OR2A14: variants seen among roughly 807,000 people sequenced by gnomAD.
OR2A14 encodes the protein olfactory receptor family 2 subfamily A member 14.
OR2A14 carries 2 observed loss-of-function variants against 2.4 expected under a neutral mutation model. The ratio of observed to expected loss-of-function variants is 0.85; its 90% CI spans 0.35 to 2.67. The LOEUF is 2.67. Among genes scored for constraint, OR2A14 ranks in the 30% most tolerant of loss-of-function variants. The probability of loss-of-function intolerance (pLI) is 0.10; values close to 1 mark genes in which losing one functional copy is unlikely to be tolerated. For synonymous variants in OR2A14, 160 were observed against 156.3 expected, an observed-to-expected ratio of 1.02 and a Z score of -0.18; for missense variants, 390 against 379.4, an observed-to-expected ratio of 1.03 and a Z score of -0.23.
Position 144,130,182 on chromosome 7 carries a change from A to G in OR2A14, c.*137A>G. 1.6e-6 allele frequency: 1 copy of G among 623,096 alleles called. No individual in the cohort carries two copies. The highest frequency in any genetic ancestry group is 2.7e-6 in the Non-Finnish European group (1 of 373,098). 38.6% of individuals were successfully genotyped at this position (623,096 alleles called of 1,614,324 possible). ...ATAGACCTATACATATAAACTGAAGACACAAATCTTTTAGAAAAGATAGGT... is the reference window on the plus strand; with the variant it reads ...ATAGACCTATACATATAAACTGAAGGCACAAATCTTTTAGAAAAGATAGGT... On this transcript the variant is annotated 3_prime_UTR_variant, in exon 2 of 2. Transcript: ENST00000641068.
Position 144,129,616 on chromosome 7 carries a change from C to T in OR2A14, c.504C>T (p.Cys168=), listed in dbSNP as rs759968987. 6.2e-5 allele frequency: 99 copies of T among 1,595,148 alleles called. 2 individuals carry two copies. In the South Asian group the frequency reaches 7.2e-4, roughly 12 times the overall value. Residue 168 remains cysteine, a synonymous_variant, in exon 2 of 2, where the codon TGC becomes TGT. Coordinates refer to ENST00000641068, the MANE Select transcript of OR2A14 (RefSeq NM_001001659.3). ...PLVLILSLPF[C]GPHEINHFFC... is the part of the protein sequence containing the mutation. Reference sequence around the variant, plus strand: ...TTCTCATCCTGAGCCTGCCCTTCTGCGGGCCTCATGAAATCAACCACTTCT... The same window carrying T: ...TTCTCATCCTGAGCCTGCCCTTCTGTGGGCCTCATGAAATCAACCACTTCT...
At position 144,129,852 on chromosome 7, in the gene OR2A14, TG is replaced by T. The variant is rs2051517371; in HGVS notation, c.743del (p.Gly248AspfsTer37). The T allele has an allele frequency of 6.2e-7, 1 of 1,614,094 alleles. No individual in the cohort carries two copies. Among genetic ancestry groups the T allele is most frequent in the Non-Finnish European group, 8.5e-7 (1 of 1,180,040 alleles). On this transcript the variant is annotated frameshift_variant, in exon 2 of 2. Transcript: ENST00000641068. LOFTEE classifies it high-confidence loss of function. ...FSTCSSHLCV[V>X]GLFFGSAIVT... ...ACCTGCTCCTCCCACCTTTGCGTGG[TG>T]GGACTCTTCTTTGGCAGCGCCATTG...
At position 144,129,387 on chromosome 7, in the gene OR2A14, C is replaced by T. The variant is rs1187715234; in HGVS notation, c.275C>T (p.Ser92Phe). 1 of 1,614,086 alleles carries T rather than the reference C, an allele frequency of 6.2e-7. No individual in the cohort carries two copies. Among genetic ancestry groups the T allele is most frequent in the Non-Finnish European group, 8.5e-7 (1 of 1,180,026 alleles). ...CTTATGAACCAGGAAAGCACCATCT[C>T]CTTTTTTCCATGCATAATGCAGACA... Reference protein sequence around the residue: ...TNLMNQESTISFFPCIMQTFL... With the variant: ...TNLMNQESTIFFFPCIMQTFL... Residue 92 changes from serine (S) to phenylalanine (F), a missense_variant, in exon 2 of 2, where the codon TCC (serine) becomes TTC (phenylalanine). By Grantham distance (155) the Ser-to-Phe change is radical. Coordinates refer to ENST00000641068, the MANE Select transcript of OR2A14 (RefSeq NM_001001659.3).
In OR2A14 at chr7:144,125,077, C is replaced by T. The variant is rs190373667; in HGVS notation, c.-35+1813C>T. ...ATTAAATTCCTATAATGTACCAGTGCGATGGTATTTCTTCTTCACATCAGT... is the reference window on the plus strand; with the variant it reads ...ATTAAATTCCTATAATGTACCAGTGTGATGGTATTTCTTCTTCACATCAGT... On this transcript the variant is annotated intron_variant, in intron 1 of 1. Coordinates refer to ENST00000641068, the MANE Select transcript of OR2A14 (RefSeq NM_001001659.3). 3.9e-5 allele frequency among the ~76,000 whole-genome samples: 6 copies of T among 152,236 alleles called. No individual in the cohort carries two copies. In the South Asian group the frequency reaches 6.2e-4, roughly 16 times the overall value.
intron 1 of OR2A14, 120 bp from the exon 2 acceptor site, chr7:144,128,958 TC>T (rs930955949): frequency 8.1e-6 from 5 of 619,236 alleles, no homozygotes; most frequent in Non-Finnish European, 1.4e-5. Context: ...TGCGATTTTT[TC>T]TCATTTTTAT....
At chr7:144,124,109 A>G (rs1025618050) in intron 1 of OR2A14, among the ~76,000 whole-genome samples, 3 of 152,180 alleles carry the variant, frequency 2.0e-5, no homozygotes, top group African/African-American at 7.2e-5. Flanking sequence ...TATGCAGCAA[A>G]GCCAGGATCT....
chr7:144,124,252 C>A (rs1223208847), intron 1 of OR2A14, among the ~76,000 whole-genome samples: 2 of 152,088 alleles, frequency 1.3e-5, no homozygotes, highest in Non-Finnish European at 2.9e-5. Context: ...CACCTGAGGT[C>A]AGGAGTTTGA....
rs756734262 is a variant in OR2A14 at position 144,129,468 on chromosome 7, A to G, written c.356A>G (p.Tyr119Cys). ...VECLILVVMS[Y>C]DRYADICHPL... The stretch of plus-strand genomic sequence containing the variant: ...TGTCTGATTTTGGTGGTGATGTCCT[A>G]TGATCGCTATGCGGACATCTGCCAC... Residue 119 changes from tyrosine (Y) to cysteine (C), a missense_variant, in exon 2 of 2, where the codon TAT becomes TGT. By Grantham distance (194) the Tyr-to-Cys change is radical. Coordinates refer to ENST00000641068, the MANE Select transcript of OR2A14 (RefSeq NM_001001659.3). 3.7e-6 allele frequency: 6 copies of G among 1,613,964 alleles called. No homozygotes were observed. The highest frequency in any genetic ancestry group is 1.1e-5 in the South Asian group (1 of 91,070).
chr7:144,124,678 G>A (rs911235445), intron 1 of OR2A14, among the ~76,000 whole-genome samples: 5 of 151,808 alleles, frequency 3.3e-5, no homozygotes, highest in Admixed American at 6.6e-5. Context: ...CCCTAAATAC[G>A]CCCCCCTTTT....
chr7:144,130,690 G>A lies in OR2A14; in HGVS notation c.*645G>A, dbSNP rs573630336. The stretch of plus-strand genomic sequence containing the variant: ...TCTATTTCTAATATTGGAAATGGTC[G>A]ATACTAGCAGAGTTTGTGCCAATAG... On this transcript the variant is annotated 3_prime_UTR_variant, in exon 2 of 2. Coordinates refer to ENST00000641068, the MANE Select transcript of OR2A14 (RefSeq NM_001001659.3). 1.1e-3 allele frequency: 171 copies of A among 152,300 alleles called. No homozygotes were observed. Among genetic ancestry groups the A allele is most frequent in the African/African-American group, 3.9e-3 (161 of 41,540 alleles). The allele number at this position is 152,300 out of a possible 1,614,324, so 9.4% of individuals were successfully genotyped here.
Position 144,129,292 on chromosome 7 carries a change from C to A in OR2A14, c.180C>A (p.Phe60Leu), listed in dbSNP as rs1442303004. ...LDCKLHTPMY[F>L]FLSHLAIVDI... ...GTAAGCTTCACACACCCATGTACTTCTTCCTCTCACACCTGGCCATTGTTG... is the reference window on the plus strand; with the variant it reads ...GTAAGCTTCACACACCCATGTACTTATTCCTCTCACACCTGGCCATTGTTG... Residue 60 changes from phenylalanine to leucine, a missense_variant, in exon 2 of 2, where the codon TTC becomes TTA. Physicochemically the swap from Phe to Leu is conservative, Grantham distance 22. Transcript: ENST00000641068. The A allele has an allele frequency of 6.2e-7, 1 of 1,614,244 alleles. No individual in the cohort carries two copies. The highest frequency in any genetic ancestry group is 1.1e-5 in the South Asian group (1 of 91,080).
In OR2A14 at chr7:144,129,357, C is replaced by T. The variant is rs761628504; in HGVS notation, c.245C>T (p.Thr82Met). Residue 82 changes from threonine (T) to methionine (M), a missense_variant, in exon 2 of 2, where the codon ACG (threonine) becomes ATG (methionine). By Grantham distance (81) the Thr-to-Met change is moderately conservative. Transcript: ENST00000641068. ...YASNYVPKML[T>M]NLMNQESTIS... ...TCCAACTATGTCCCCAAGATGCTGA[C>T]GAATCTTATGAACCAGGAAAGCACC... is the stretch of plus-strand genomic sequence containing the variant. 4.3e-6 allele frequency: 7 copies of T among 1,614,100 alleles called. No homozygotes were observed. In the South Asian group the frequency reaches 6.6e-5, roughly 15 times the overall value.
intron 1 of OR2A14, among the ~76,000 whole-genome samples, chr7:144,127,725 T>C (rs749226753): frequency 2.6e-5 from 4 of 152,326 alleles, no homozygotes; most frequent in South Asian, 4.1e-4. Flanking sequence ...TTTACTAAAA[T>C]AAAAGACATC....
chr7:144,128,895 C>A (rs1361449377), intron 1 of OR2A14, among the ~76,000 whole-genome samples, 184 bp from the exon 2 acceptor site: 1 of 152,132 alleles, frequency 6.6e-6, no homozygotes, highest in Non-Finnish European at 1.5e-5. Flanking sequence ...CATACACACA[C>A]AAATATATAT....
At chr7:144,125,174 C>T (rs1239899546) in intron 1 of OR2A14, among the ~76,000 whole-genome samples, 1 of 152,228 alleles carries the variant, frequency 6.6e-6, no homozygotes, top group Non-Finnish European at 1.5e-5. Flanking sequence ...TCAAATGCGT[C>T]ATGTTCATTG....
chr7:144,126,178 G>T (rs147566273), intron 1 of OR2A14, among the ~76,000 whole-genome samples: 1 of 152,126 alleles, frequency 6.6e-6, no homozygotes, highest in Non-Finnish European at 1.5e-5. Context: ...TCAAATATGT[G>T]CTCATTGGAA....
rs2051528336 is a variant in OR2A14 at position 144,131,063 on chromosome 7, T to C, written c.*1018T>C. 1 of 152,212 alleles carries C rather than the reference T, an allele frequency of 6.6e-6. No individual in the cohort carries two copies. The highest frequency in any genetic ancestry group is 2.4e-5 in the African/African-American group (1 of 41,446). The allele number at this position is 152,212 out of a possible 1,614,324, so 9.4% of individuals were successfully genotyped here. A position where few individuals can be genotyped will look rare whatever the true frequency, so the allele number is the denominator to read the frequency against. ...GCCTCAGGGAGCATGTGATTAGACA[T>C]GTCTTGCAGTCAAATTCCTGTGATC... On this transcript the variant is annotated 3_prime_UTR_variant, in exon 2 of 2. Transcript: ENST00000641068.
chr7:144,123,707 T>A (rs978156020), intron 1 of OR2A14, among the ~76,000 whole-genome samples: 3 of 152,176 alleles, frequency 2.0e-5, no homozygotes, highest in African/African-American at 4.8e-5. Context: ...CAGGGATGTA[T>A]CCTCCTTGCC....
intron 1 of OR2A14, among the ~76,000 whole-genome samples, chr7:144,123,476 C>T (rs989735469): frequency 6.6e-6 from 1 of 152,132 alleles, no homozygotes; most frequent in Admixed American, 6.5e-5. Context: ...GTACCTCTGA[C>T]CTTCTCGGCC....
Sources: gnomAD v4.1 joint callset for allele counts (sites outside exome capture counted in the v4.1 genomes callset) on GRCh38, gnomAD v4.1.1 for gene constraint, MANE v1.5 for transcripts, NCBI Gene and HGNC (gene_info 2026-07-23, HGNC 2026-07-21) for gene names.